CUX2: variants seen among roughly 807,000 people sequenced by gnomAD.
CUX2 encodes homeobox protein cut-like 2.
In CUX2, 40 loss-of-function variants were observed where a neutral mutation model predicts 144.8. That is an observed-to-expected ratio of 0.28 (90% CI 0.21 to 0.36). The LOEUF is 0.36. Ranked by LOEUF, CUX2 falls within the 10% of genes least tolerant of loss-of-function variation. The probability of loss-of-function intolerance (pLI) is 1.00; values close to 1 mark genes in which losing one functional copy is unlikely to be tolerated. For synonymous variants in CUX2, 827 were observed against 875.6 expected (o/e 0.94, Z 0.98); for missense variants, 1,615 against 1,994.0 (o/e 0.81, Z 3.62).
intron 1 of CUX2, among the ~76,000 whole-genome samples, chr12:111,103,807 G>A (rs992348516): frequency 2.6e-5 from 4 of 152,208 alleles, no homozygotes; most frequent in African/African-American, 9.7e-5. Context: ...TGCTCAAATG[G>A]TGTTATCTCA....
intron 20 of CUX2, among the ~76,000 whole-genome samples, chr12:111,339,237 AAAAG>A (rs1409310318): frequency 2.0e-5 from 3 of 152,180 alleles, no homozygotes; most frequent in African/African-American, 4.8e-5. Flanking sequence ...CTCAAAAAAA[AAAAG>A]AAAGAAACAA....
At chr12:111,265,453 T>G (rs1412257959) in intron 4 of CUX2, among the ~76,000 whole-genome samples, 1 of 152,026 alleles carries the variant, frequency 6.6e-6, no homozygotes, top group Non-Finnish European at 1.5e-5. Flanking sequence ...GCAATTCTCC[T>G]GCCTCAGCCT....
chr12:111,305,704 G>A (rs1332116789), intron 10 of CUX2, among the ~76,000 whole-genome samples: 1 of 152,088 alleles, frequency 6.6e-6, no homozygotes, highest in Non-Finnish European at 1.5e-5. Context: ...GCCTAAAATG[G>A]TGCTTGGGTC....
At chr12:111,334,302 C>T in intron 18 of CUX2, 139 bp from the exon 19 acceptor site, 1 of 827,298 alleles carries the variant, frequency 1.2e-6, no homozygotes, top group Non-Finnish European at 1.9e-6. Flanking sequence ...CCAGGGTGGT[C>T]CCTACCTGAG....
chr12:111,316,597 G>A (rs1370257372), intron 16 of CUX2, among the ~76,000 whole-genome samples: 15 of 151,152 alleles, frequency 9.9e-5, no homozygotes, highest in Admixed American at 8.0e-4. Flanking sequence ...TTACAGGTGC[G>A]TGCCACCACG....
Position 111,312,262 on chromosome 12 carries a change from G to A in CUX2, c.2002+61G>A. 7.0e-7 allele frequency: 1 copy of A among 1,437,848 alleles called. No homozygotes were observed. Among genetic ancestry groups the A allele is most frequent in the Non-Finnish European group, 9.5e-7 (1 of 1,048,368 alleles). 89.1% of individuals were successfully genotyped at this position (1,437,848 alleles called of 1,614,324 possible). Reference sequence around the variant, plus strand: ...CCGGGGCCAGCTGCGAACAGGAGATGAGGCTTCGTCTACCTTTGTCCACCC... The same window carrying A: ...CCGGGGCCAGCTGCGAACAGGAGATAAGGCTTCGTCTACCTTTGTCCACCC... On this transcript the variant is annotated intron_variant, in intron 16 of 21. Coordinates refer to ENST00000261726, the MANE Select transcript of CUX2 (RefSeq NM_015267.4). The surrounding 1 kb of genome is among the most constrained non-coding windows in gnomAD (Gnocchi z 4.3).
intron 3 of CUX2, among the ~76,000 whole-genome samples, chr12:111,222,922 A>G (rs922664854): frequency 6.6e-6 from 1 of 152,178 alleles, no homozygotes; most frequent in Non-Finnish European, 1.5e-5. Context: ...AGTCACCTCA[A>G]CAAGCATTTA....
chr12:111,308,609 C>T (rs1297833588), intron 14 of CUX2, 83 bp downstream of exon 14: 5 of 1,171,030 alleles, frequency 4.3e-6, no homozygotes, highest in Non-Finnish European at 4.9e-6. Context: ...CCAAGGACCA[C>T]TGCCTTCCAT....
At chr12:111,214,757 T>C (rs528790929) in intron 2 of CUX2, among the ~76,000 whole-genome samples, 1 of 152,252 alleles carries the variant, frequency 6.6e-6, no homozygotes, top group East Asian at 1.9e-4. Flanking sequence ...TACGTTCACC[T>C]CATTCTTCCC....
In CUX2 at chr12:111,334,726, G is replaced by A; in HGVS notation, c.3196+16G>A. On this transcript the variant is annotated intron_variant, in intron 19 of 21. Coordinates refer to ENST00000261726, the MANE Select transcript of CUX2 (RefSeq NM_015267.4). ...AACAATCTAGGTACGGAGCGGGTGG[G>A]AATCGGAGAGGCTGCCTCCCACCTG... 6.4e-7 allele frequency: 1 copy of A among 1,572,354 alleles called. No homozygotes were observed. The highest frequency in any genetic ancestry group is 8.6e-7 in the Non-Finnish European group (1 of 1,156,960).
chr12:111,047,201 C>T (rs536945373), intron 1 of CUX2, among the ~76,000 whole-genome samples: 36 of 152,346 alleles, frequency 2.4e-4, no homozygotes, highest in African/African-American at 8.2e-4. Flanking sequence ...ATGGAATTCT[C>T]GGCTGGGGCT....
intron 1 of CUX2, among the ~76,000 whole-genome samples, chr12:111,083,221 C>T (rs1304816001): frequency 1.3e-5 from 2 of 152,096 alleles, no homozygotes; most frequent in Non-Finnish European, 2.9e-5. Context: ...GGTGACCAGC[C>T]AGAGAGCAGC....
rs1291163442 is a variant in CUX2 at position 111,322,092 on chromosome 12, T to C, written c.2767-329T>C. Among the ~76,000 whole-genome samples the C allele has an allele frequency of 1.3e-5, 2 of 151,498 alleles. No individual in the cohort carries two copies. The highest frequency in any genetic ancestry group is 2.9e-5 in the Non-Finnish European group (2 of 67,836). On this transcript the variant is annotated intron_variant, in intron 17 of 21. Transcript: ENST00000261726. This position sits in a 1 kb window ranked among gnomAD's most constrained non-coding sequence, Gnocchi z 4.2. ...CAACACTGTGGGAGGCTGAGTTGGG[T>C]GGATCACTTGAGGTCAGGAGTTCGA...
intron 1 of CUX2, among the ~76,000 whole-genome samples, chr12:111,072,644 C>G (rs981844164): frequency 1.3e-5 from 2 of 152,142 alleles, no homozygotes; most frequent in Non-Finnish European, 2.9e-5. Flanking sequence ...CCTGGCCCTG[C>G]CCCAGGGAAA....
chr12:111,099,971 G>T (rs930907785), intron 1 of CUX2: 5 of 457,272 alleles, frequency 1.1e-5, no homozygotes, highest in Non-Finnish European at 2.2e-5. Context: ...GGAAGGGAAC[G>T]GCTTTATCGC....
intron 1 of CUX2, among the ~76,000 whole-genome samples, chr12:111,203,127 G>T (rs1294583805): frequency 2.0e-5 from 3 of 151,262 alleles, no homozygotes; most frequent in Non-Finnish European, 4.4e-5. Flanking sequence ...AGCTACTCAG[G>T]AGGCTGAGGC....
intron 1 of CUX2, among the ~76,000 whole-genome samples, chr12:111,082,872 C>G (rs543893329): frequency 6.6e-6 from 1 of 152,026 alleles, no homozygotes; most frequent in Non-Finnish European, 1.5e-5. Flanking sequence ...CCATGGGTGT[C>G]GTGAAGAGGG....
chr12:111,298,694 ATTCAACTGTGGGTC>A (rs1022950008), intron 9 of CUX2, 105 bp downstream of exon 9: 13 of 1,199,826 alleles, frequency 1.1e-5, no homozygotes, highest in Non-Finnish European at 1.5e-5. Context: ...ATCAATATTT[ATTCAACTGTGGGTC>A]TTGTGCATGC....
At chr12:111,170,050 C>A (rs979684694) in intron 1 of CUX2, among the ~76,000 whole-genome samples, 2 of 152,200 alleles carry the variant, frequency 1.3e-5, no homozygotes, top group South Asian at 2.1e-4. Flanking sequence ...AGGAAACTGC[C>A]TCCAAGAATT....
Sources: gnomAD v4.1 joint callset for allele counts (sites outside exome capture counted in the v4.1 genomes callset) on GRCh38, gnomAD v4.1.1 for gene constraint, Gnocchi (gnomAD v3.1) non-coding constraint, MANE v1.5 for transcripts, NCBI Gene and HGNC (gene_info 2026-07-23, HGNC 2026-07-21) for gene names.